The following PRKN variants were observed in gnomAD, a reference collection of about 807,000 sequenced individuals.
PRKN encodes parkin RBR E3 ubiquitin protein ligase, also known as E3 ubiquitin-protein ligase parkin.
Under a neutral mutation model 59.5 loss-of-function variants are expected in PRKN, and 56 were observed. The observed-to-expected ratio is 0.94, with a 90% CI of 0.76 to 1.18. The LOEUF is 1.18. Ranked by LOEUF, PRKN falls within the 50% of genes most tolerant of loss-of-function variation. The pLI, the probability that PRKN is intolerant of heterozygous loss-of-function variation, is 0.00. For missense variants in PRKN, 657 were observed against 596.4 expected (o/e 1.10, Z -1.06); for synonymous variants, 250 against 222.1 (o/e 1.13, Z -1.12).
At chr6:162,240,606 C>T (rs373642888) in intron 3 of PRKN, among the ~76,000 whole-genome samples, 2 of 152,120 alleles carry the variant, frequency 1.3e-5, no homozygotes, top group Admixed American at 1.3e-4. Context: ...TAACACCATG[C>T]AAAGTTGTCC....
At chr6:162,301,862 A>T (rs577080719) in intron 2 of PRKN, among the ~76,000 whole-genome samples, 67 of 150,386 alleles carry the variant, frequency 4.5e-4, no homozygotes, top group African/African-American at 1.6e-3. Flanking sequence ...AATATGATGT[A>T]CACCAAACCT....
intron 1 of PRKN, among the ~76,000 whole-genome samples, chr6:162,488,033 T>G (rs1055864385): frequency 1.3e-4 from 18 of 133,522 alleles, no homozygotes; most frequent in African/African-American, 4.8e-4. Flanking sequence ...TTCCCTTTTT[T>G]TTTTTTTTTT....
chr6:161,782,297 A>G (rs1790239254), intron 7 of PRKN, among the ~76,000 whole-genome samples: 1 of 152,174 alleles, frequency 6.6e-6, no homozygotes, highest in African/African-American at 2.4e-5. Context: ...ATAGAGTGAA[A>G]AAAGCAAGGT....
At chr6:162,214,178 G>T (rs185125823) in intron 3 of PRKN, among the ~76,000 whole-genome samples, 182 of 152,276 alleles carry the variant, frequency 1.2e-3, no homozygotes, top group African/African-American at 4.2e-3. Flanking sequence ...AAACAAATAG[G>T]CACCTGAAGG....
intron 7 of PRKN, among the ~76,000 whole-genome samples, chr6:161,636,752 G>T (rs542732782): frequency 3.2e-4 from 49 of 152,172 alleles, no homozygotes; most frequent in Non-Finnish European, 5.3e-4. Flanking sequence ...AAAATACAAA[G>T]TCGAGATTAA....
At chr6:162,242,112 T>A (rs1308983673) in intron 3 of PRKN, among the ~76,000 whole-genome samples, 1 of 152,096 alleles carries the variant, frequency 6.6e-6, no homozygotes, top group Non-Finnish European at 1.5e-5. Context: ...AAAAATAAAA[T>A]TTTTCACAAC....
At chr6:162,519,936 T>A (rs1329197746) in intron 1 of PRKN, among the ~76,000 whole-genome samples, 1 of 152,158 alleles carries the variant, frequency 6.6e-6, no homozygotes. Context: ...GATATCAAAA[T>A]ATATTCACTC....
chr6:161,714,829 C>T (rs552205556), intron 7 of PRKN, among the ~76,000 whole-genome samples: 12 of 152,210 alleles, frequency 7.9e-5, no homozygotes, highest in Admixed American at 3.9e-4. Flanking sequence ...GAGATGTGTT[C>T]GCTTTTGTTC....
intron 2 of PRKN, among the ~76,000 whole-genome samples, chr6:162,308,642 T>C (rs1451246413): frequency 1.3e-5 from 2 of 152,162 alleles, no homozygotes; most frequent in Non-Finnish European, 2.9e-5. Context: ...GGTAATGTAA[T>C]TTTCCTGTCA....
intron 2 of PRKN, among the ~76,000 whole-genome samples, chr6:162,311,660 T>C (rs1450340052): frequency 6.6e-6 from 1 of 151,758 alleles, no homozygotes; most frequent in Non-Finnish European, 1.5e-5. Flanking sequence ...TTTTTTGTAT[T>C]TTTAGTAGAG....
chr6:161,510,257 C>T (rs888086072), intron 9 of PRKN, among the ~76,000 whole-genome samples: 12 of 152,218 alleles, frequency 7.9e-5, no homozygotes, highest in Non-Finnish European at 1.3e-4. Context: ...GATGAACCTT[C>T]TTGATGCTTT....
Position 161,550,900 on chromosome 6 carries a change from A to T in PRKN, c.934-1897T>A. ...TAGGAGAAAGGCATGGGTCCTGGGT[A>T]CAAATTTTGAAGTCATTAGCCTGAG... On this transcript the variant is annotated intron_variant, in intron 8 of 11. Transcript: ENST00000366898. The surrounding 1 kb of genome is among the most constrained non-coding windows in gnomAD (Gnocchi z 4.0). Among the ~76,000 whole-genome samples the T allele has an allele frequency of 6.6e-6, 1 of 152,156 alleles. No homozygotes were observed. The highest frequency in any genetic ancestry group is 1.9e-4 in the East Asian group (1 of 5,190).
intron 1 of PRKN, among the ~76,000 whole-genome samples, chr6:162,501,683 C>T (rs924365449): frequency 3.9e-5 from 6 of 151,980 alleles, no homozygotes; most frequent in African/African-American, 1.4e-4. Context: ...ACCTGTGACT[C>T]TGGAATATGT....
intron 3 of PRKN, among the ~76,000 whole-genome samples, chr6:162,241,111 C>A (rs543914833): frequency 1.3e-5 from 2 of 152,176 alleles, no homozygotes. Context: ...TTATTCTGAC[C>A]CATTTTCCTC....
intron 6 of PRKN, among the ~76,000 whole-genome samples, chr6:161,841,837 T>C (rs1792999111): frequency 6.6e-6 from 1 of 152,160 alleles, no homozygotes; most frequent in Admixed American, 6.5e-5. Flanking sequence ...ATAATTACTT[T>C]GCCTTCTGAG....
At chr6:162,577,291 G>A (rs1052536069) in intron 1 of PRKN, among the ~76,000 whole-genome samples, 1 of 152,150 alleles carries the variant, frequency 6.6e-6, no homozygotes, top group Non-Finnish European at 1.5e-5. Flanking sequence ...TAAGATAACA[G>A]TTTGAATTCT....
chr6:162,248,384 G>T (rs1414164537), intron 3 of PRKN, among the ~76,000 whole-genome samples: 1 of 152,116 alleles, frequency 6.6e-6, no homozygotes, highest in Non-Finnish European at 1.5e-5. Context: ...GATATTGCTG[G>T]TCACTGTAGT....
At chr6:161,905,678 C>T (rs1026854869) in intron 6 of PRKN, among the ~76,000 whole-genome samples, 13 of 151,762 alleles carry the variant, frequency 8.6e-5, no homozygotes, top group Admixed American at 4.6e-4. Flanking sequence ...AGTACATTTT[C>T]GGCCGGGTGT....
At chr6:162,267,624 T>C (rs1246582818) in intron 2 of PRKN, among the ~76,000 whole-genome samples, 3 of 152,160 alleles carry the variant, frequency 2.0e-5, no homozygotes, top group Admixed American at 6.6e-5. Context: ...ATCCAACAAG[T>C]AAGGCAGTAA....
Sources: gnomAD v4.1 joint callset for allele counts (sites outside exome capture counted in the v4.1 genomes callset) on GRCh38, gnomAD v4.1.1 for gene constraint, Gnocchi (gnomAD v3.1) non-coding constraint, MANE v1.5 for transcripts, NCBI Gene and HGNC (gene_info 2026-07-23, HGNC 2026-07-21) for gene names.